The following CCDC14 variants were observed in gnomAD, a reference collection of about 807,000 sequenced individuals.
CCDC14 encodes coiled-coil domain-containing protein 14.
In CCDC14, 71 loss-of-function variants were observed where a neutral mutation model predicts 81.4. That is an observed-to-expected ratio of 0.87 (90% CI 0.72 to 1.06). The LOEUF (loss-of-function observed/expected upper bound fraction) is 1.06, where lower values mean the gene tolerates loss of function less well. Among genes scored for constraint, CCDC14 ranks in the 50% least tolerant of loss-of-function variants. CCDC14 has a pLI of 0.00. For missense variants in CCDC14, 1,046 were observed against 1,047.3 expected, an observed-to-expected ratio of 1.00 and a Z score of 0.02; for synonymous variants, 332 against 364.8, an observed-to-expected ratio of 0.91 and a Z score of 1.03.
At chr3:123,925,162 T>C (rs185175244) in intron 12 of CCDC14, among the ~76,000 whole-genome samples, 29 of 150,298 alleles carry the variant, frequency 1.9e-4, no homozygotes, top group Middle Eastern at 6.9e-3. Flanking sequence ...ACCCAGGAAA[T>C]TTTGTCATTT....
Position 123,915,707 on chromosome 3 carries a change from G to A in CCDC14, c.1790C>T (p.Thr597Ile). 1 of 1,606,738 alleles carries A rather than the reference G, an allele frequency of 6.2e-7. No homozygotes were observed. Among genetic ancestry groups the A allele is most frequent in the Non-Finnish European group, 8.5e-7 (1 of 1,177,086 alleles). Reference sequence around the variant, plus strand: ...ATCGGAGAGAAGCTTTGCCATGCTAGTCTGTAAAGTTCTGTTAAGAAGAAT... The same window carrying A: ...ATCGGAGAGAAGCTTTGCCATGCTAATCTGTAAAGTTCTGTTAAGAAGAAT... ...RLRELTRTLQ[T>I]SMAKLLSDLS... Residue 597 changes from threonine to isoleucine, a missense_variant, in exon 13 of 13, where the codon ACT becomes ATT. Transcript: ENST00000409697.
Position 123,946,835 on chromosome 3 carries a change from A to G in CCDC14, c.1169T>C (p.Leu390Ser), listed in dbSNP as rs769732836. Reference sequence around the variant, plus strand: ...TGCTACCAGGGCCTTGAGCTCTCCCAACAAATATTTTATAATTCTAACTTT... The same window carrying G: ...TGCTACCAGGGCCTTGAGCTCTCCCGACAAATATTTTATAATTCTAACTTT... ...AEKVRIIKYL[L>S]GELKALVAEQ... Residue 390 changes from leucine (L) to serine (S), a missense_variant, in exon 8 of 13, where the codon TTG (leucine) becomes TCG (serine). Physicochemically the swap from Leu to Ser is moderately radical, Grantham distance 145 (BLOSUM62 -2). Coordinates refer to ENST00000409697, the MANE Select transcript of CCDC14 (RefSeq NM_001366335.1). 66 of 1,613,774 alleles carry G rather than the reference A, an allele frequency of 4.1e-5. No homozygotes were observed. Among genetic ancestry groups the G allele is most frequent in the Non-Finnish European group, 5.5e-5 (65 of 1,179,854 alleles).
In CCDC14 at chr3:123,949,169, T is replaced by C. The variant is rs2036861295; in HGVS notation, c.353-37A>G. The C allele has an allele frequency of 2.3e-6, 3 of 1,328,894 alleles. No homozygotes were observed. The East Asian group carries it at 7.4e-5, about 33-fold the overall frequency. 82.3% of individuals were successfully genotyped at this position (1,328,894 alleles called of 1,614,324 possible). A position where few individuals can be genotyped will look rare whatever the true frequency, so the allele number is the denominator to read the frequency against. On this transcript the variant is annotated intron_variant, in intron 5 of 12. Coordinates refer to ENST00000409697, the MANE Select transcript of CCDC14 (RefSeq NM_001366335.1). ...GAAGAAAAAAGTTCTTGAAATATGATTCTTCAAAAACTTTTACCGTAAGAT... is the reference window on the plus strand; with the variant it reads ...GAAGAAAAAAGTTCTTGAAATATGACTCTTCAAAAACTTTTACCGTAAGAT...
chr3:123,890,588 C>T, the CCDC14 span, among the ~76,000 whole-genome samples: 4 of 152,162 alleles, frequency 2.6e-5, no homozygotes, highest in African/African-American at 7.2e-5. Context: ...TCCAAAATGA[C>T]CTCCTTTGAC....
chr3:123,904,529 C>A (rs1159287542), intron 5 of CCDC14, among the ~76,000 whole-genome samples: 2 of 150,598 alleles, frequency 1.3e-5, no homozygotes, highest in African/African-American at 4.9e-5. Flanking sequence ...AAAGGATAAC[C>A]AACTCGTTAA....
chr3:123,956,589 T>C (rs112186441), intron 2 of CCDC14, 151 bp downstream of exon 2: 12 of 743,392 alleles, frequency 1.6e-5, no homozygotes, highest in African/African-American at 1.4e-4. Flanking sequence ...AATACTAAAA[T>C]GATTAACATG....
intron 5 of CCDC14, chr3:123,949,341 T>C (rs989591903): frequency 5.4e-6 from 3 of 556,832 alleles, no homozygotes; most frequent in Non-Finnish European, 3.2e-6. Context: ...TCAAAAATCA[T>C]CTATACTAAT....
intron 9 of CCDC14, among the ~76,000 whole-genome samples, chr3:123,941,407 G>A (rs1191315613): frequency 6.6e-6 from 1 of 151,674 alleles, no homozygotes; most frequent in Non-Finnish European, 1.5e-5. Flanking sequence ...AAAGAAACAT[G>A]TAGTTTCCAA....
At chr3:123,932,031 C>T (rs1376389764) in intron 10 of CCDC14, among the ~76,000 whole-genome samples, 1 of 152,152 alleles carries the variant, frequency 6.6e-6, no homozygotes, top group East Asian at 1.9e-4. Flanking sequence ...ACACATAGAT[C>T]TATCACGTTC....
rs377682889 is a variant in CCDC14, at chr3:123,946,943, C to A, written c.1061G>T (p.Arg354Ile). The change falls in exon 8 of 13, where the codon AGA (arginine) becomes ATA (isoleucine). Residue 354 changes from arginine (R) to isoleucine (I), a missense_variant. Transcript: ENST00000409697. Reference sequence around the variant, plus strand: ...TCGCACATGTATGTTTAAATCCTTTCTTTCACTTGTGGCCTCTCTAATTTG... The same window carrying A: ...TCGCACATGTATGTTTAAATCCTTTATTTCACTTGTGGCCTCTCTAATTTG... ...REQIREATSE[R>I]KDLNIHVRDT... The A allele has an allele frequency of 1.2e-6, 2 of 1,613,858 alleles. No homozygotes were observed. Among genetic ancestry groups the A allele is most frequent in the African/African-American group, 2.7e-5 (2 of 74,916 alleles).
chr3:123,912,832 C>G (rs775921736), downstream of CCDC14, among the ~76,000 whole-genome samples: 4 of 152,082 alleles, frequency 2.6e-5, no homozygotes, highest in Non-Finnish European at 4.4e-5. Flanking sequence ...ACAACTGACC[C>G]AAATCTTCTA....
rs1434463417 is a variant in CCDC14, at chr3:123,914,015, A to C, written c.*764T>G. The stretch of plus-strand genomic sequence containing the variant: ...ATTACAATCAATGCCAAGATTTACA[A>C]ATTCCATCATGTTTAAATATAAGGA... On this transcript the variant is annotated 3_prime_UTR_variant, in exon 13 of 13. Coordinates refer to ENST00000409697, the MANE Select transcript of CCDC14 (RefSeq NM_001366335.1). The C allele has an allele frequency of 1.0e-6, 1 of 985,364 alleles. No individual in the cohort carries two copies. Among genetic ancestry groups the C allele is most frequent in the Admixed American group, 6.2e-5 (1 of 16,250 alleles). The allele number at this position is 985,364 out of a possible 1,614,324, so 61.0% of individuals were successfully genotyped here. A position where few individuals can be genotyped will look rare whatever the true frequency, so the allele number is the denominator to read the frequency against.
intron 5 of CCDC14, among the ~76,000 whole-genome samples, chr3:123,899,448 T>A (rs978805557): frequency 1.3e-5 from 2 of 152,206 alleles, no homozygotes; most frequent in South Asian, 4.1e-4. Context: ...ATGTCCAGTA[T>A]TGCCCTCTTC....
chr3:123,923,080 A>G (rs2035148628), intron 12 of CCDC14, among the ~76,000 whole-genome samples: 1 of 152,118 alleles, frequency 6.6e-6, no homozygotes, highest in Non-Finnish European at 1.5e-5. Flanking sequence ...GAATTATTCA[A>G]CACAATTAAA....
At chr3:123,907,697 C>T (rs1304542309) in intron 5 of CCDC14, among the ~76,000 whole-genome samples, 1 of 151,366 alleles carries the variant, frequency 6.6e-6, no homozygotes, top group African/African-American at 2.4e-5. Context: ...AGAGCGAGAC[C>T]TCATCAATAA....
At chr3:123,953,706 C>T (rs1363169272) in intron 5 of CCDC14, 1 of 152,186 alleles carries the variant, frequency 6.6e-6, no homozygotes, top group Non-Finnish European at 1.5e-5. Context: ...CTTATTCCTG[C>T]TCCCTTTCTA....
intron 9 of CCDC14, among the ~76,000 whole-genome samples, chr3:123,934,408 G>C (rs750876858): frequency 2.8e-5 from 4 of 144,130 alleles, no homozygotes; most frequent in Non-Finnish European, 5.9e-5. Context: ...GTCTTTCTGT[G>C]TATCTTCATC....
intron 5 of CCDC14, among the ~76,000 whole-genome samples, chr3:123,907,312 C>G (rs772692060): frequency 2.0e-5 from 3 of 152,084 alleles, no homozygotes; most frequent in Non-Finnish European, 4.4e-5. Flanking sequence ...GTTTGGTGTT[C>G]ATTCTTCCAC....
In CCDC14 at chr3:123,929,523, G is replaced by A. The variant is rs780279633; in HGVS notation, c.1778+1579C>T. Among the ~76,000 whole-genome samples, 3 of 152,028 alleles carry A rather than the reference G, an allele frequency of 2.0e-5. No homozygotes were observed. In the East Asian group the frequency reaches 5.8e-4, roughly 30 times the overall value. On this transcript the variant is annotated intron_variant, in intron 12 of 12. Transcript: ENST00000409697. ...TTGCTGTGTTGCCCAGGCTGGTCTC[G>A]AGCTCCTGGGCCCAGGCGATCCACC...
Sources: gnomAD v4.1 joint callset for allele counts (sites outside exome capture counted in the v4.1 genomes callset) on GRCh38, gnomAD v4.1.1 for gene constraint, MANE v1.5 for transcripts, NCBI Gene and HGNC (gene_info 2026-07-23, HGNC 2026-07-21) for gene names.